The following FSTL4 variants were observed in gnomAD, a reference collection of about 807,000 sequenced individuals.
FSTL4 encodes follistatin-related protein 4.
Under a neutral mutation model 78.2 loss-of-function variants are expected in FSTL4, and 28 were observed. That is an observed-to-expected ratio of 0.36 (90% CI 0.27 to 0.49). The LOEUF is 0.49. FSTL4 is among the 20% of genes least tolerant of loss of function. FSTL4 has a pLI of 0.98. For missense variants in FSTL4, 922 were observed against 1,084.9 expected, an observed-to-expected ratio of 0.85 and a Z score of 2.11; for synonymous variants, 422 against 440.5, an observed-to-expected ratio of 0.96 and a Z score of 0.53.
At chr5:133,352,705 T>C (rs968368470) in intron 4 of FSTL4, among the ~76,000 whole-genome samples, 4 of 152,234 alleles carry the variant, frequency 2.6e-5, no homozygotes, top group Non-Finnish European at 4.4e-5. Flanking sequence ...ATGTGATATT[T>C]GGTTTTCTAT....
chr5:133,204,684 T>C (rs920199967), intron 14 of FSTL4, among the ~76,000 whole-genome samples: 16 of 151,874 alleles, frequency 1.1e-4, no homozygotes, highest in Admixed American at 9.8e-4. Flanking sequence ...ATACAAAAAT[T>C]AGCTGGGTGT....
At chr5:133,485,644 G>A (rs1032302404) in intron 3 of FSTL4, among the ~76,000 whole-genome samples, 4 of 152,254 alleles carry the variant, frequency 2.6e-5, no homozygotes, top group Non-Finnish European at 4.4e-5. Flanking sequence ...AACAAGCTGC[G>A]GTCCTAAGTG....
chr5:133,223,046 G>T (rs78322643), intron 11 of FSTL4, among the ~76,000 whole-genome samples: 6,769 of 152,290 alleles, frequency 0.044, 472 homozygotes, highest in African/African-American at 0.15. Flanking sequence ...CACATTCCAT[G>T]GGGCCTCTTG....
At chr5:133,677,007 A>G in the FSTL4 span, among the ~76,000 whole-genome samples, 1 of 152,202 alleles carries the variant, frequency 6.6e-6, no homozygotes, top group Non-Finnish European at 1.5e-5. Flanking sequence ...TCTTTTAAGA[A>G]CCCTTCCCCG....
chr5:133,336,579 T>C (rs775883293), intron 4 of FSTL4, among the ~76,000 whole-genome samples: 1 of 152,188 alleles, frequency 6.6e-6, no homozygotes, highest in African/African-American at 2.4e-5. Context: ...CCTGCCCCCA[T>C]TGACCCAGGG....
intron 2 of FSTL4, among the ~76,000 whole-genome samples, chr5:133,590,997 A>G (rs1335913186): frequency 6.6e-6 from 1 of 152,216 alleles, no homozygotes; most frequent in Non-Finnish European, 1.5e-5. Flanking sequence ...ATTAGGCACC[A>G]TCACCCAACT....
chr5:133,703,858 G>A, the FSTL4 span, among the ~76,000 whole-genome samples: 1 of 152,206 alleles, frequency 6.6e-6, no homozygotes. Flanking sequence ...CCGAGCAAGG[G>A]ATGCTGCTCC....
At chr5:133,694,121 T>A in the FSTL4 span, among the ~76,000 whole-genome samples, 1 of 152,202 alleles carries the variant, frequency 6.6e-6, no homozygotes, top group Non-Finnish European at 1.5e-5. Context: ...AATTCCAGAC[T>A]GAAATATTCC....
chr5:133,509,282 G>A (rs1561450628), intron 3 of FSTL4, among the ~76,000 whole-genome samples: 1 of 151,996 alleles, frequency 6.6e-6, no homozygotes, highest in Non-Finnish European at 1.5e-5. Flanking sequence ...CATCTCCTCT[G>A]GGCTCTGGAT....
At chr5:133,732,528 C>T in the FSTL4 span, among the ~76,000 whole-genome samples, 1 of 152,110 alleles carries the variant, frequency 6.6e-6, no homozygotes, top group Non-Finnish European at 1.5e-5. Flanking sequence ...AAAGCCCATC[C>T]GTCAGCAGGT....
intron 4 of FSTL4, among the ~76,000 whole-genome samples, chr5:133,330,532 G>A (rs975047160): frequency 7.9e-5 from 12 of 152,146 alleles, no homozygotes; most frequent in Non-Finnish European, 4.4e-5. Context: ...AGCCATTCAT[G>A]AGAATCCCAC....
chr5:133,744,259 G>A, the FSTL4 span, among the ~76,000 whole-genome samples: 43 of 152,272 alleles, frequency 2.8e-4, no homozygotes, highest in Non-Finnish European at 4.9e-4. Flanking sequence ...TGTAAGCACC[G>A]TTGAAACTAC....
chr5:133,341,153 A>C (rs1245617313), intron 4 of FSTL4, among the ~76,000 whole-genome samples: 2 of 152,036 alleles, frequency 1.3e-5, no homozygotes, highest in African/African-American at 2.4e-5. Context: ...CCTCCCTTCG[A>C]AACTAAGAGC....
chr5:133,370,003 C>T (rs1242899566), intron 4 of FSTL4, among the ~76,000 whole-genome samples: 2 of 151,930 alleles, frequency 1.3e-5, no homozygotes, highest in Admixed American at 6.5e-5. Context: ...AGCAGGGCTG[C>T]CCTCCACCCA....
At chr5:133,269,462 A>C (rs1752719865) in intron 6 of FSTL4, among the ~76,000 whole-genome samples, 1 of 152,218 alleles carries the variant, frequency 6.6e-6, no homozygotes, top group Non-Finnish European at 1.5e-5. Flanking sequence ...GTAGTGTACA[A>C]TTAGCATGTA....
intron 6 of FSTL4, among the ~76,000 whole-genome samples, chr5:133,272,536 T>C (rs981992708): frequency 4.6e-5 from 7 of 152,252 alleles, no homozygotes; most frequent in Middle Eastern, 3.2e-3. Flanking sequence ...TCATTTAATT[T>C]CGCAAGAGTT....
chr5:133,301,180 G>A (rs1753530234), intron 6 of FSTL4, among the ~76,000 whole-genome samples: 1 of 152,148 alleles, frequency 6.6e-6, no homozygotes, highest in African/African-American at 2.4e-5. Flanking sequence ...ACACATCATG[G>A]GGGAAGACAC....
chr5:133,701,509 A>ACACACACACACACC, the FSTL4 span, among the ~76,000 whole-genome samples: 2,525 of 132,502 alleles, frequency 0.019, 48 homozygotes, highest in Admixed American at 0.032. Context: ...ACACACACAC[A>ACACACACACACACC]CCCCACAGGC....
At chr5:133,325,014 C>T (rs1053085625) in intron 4 of FSTL4, among the ~76,000 whole-genome samples, 17 of 152,208 alleles carry the variant, frequency 1.1e-4, no homozygotes, top group African/African-American at 4.1e-4. Context: ...GCAAGGTGGT[C>T]TCTGGACACT....
Sources: gnomAD v4.1 joint callset for allele counts (sites outside exome capture counted in the v4.1 genomes callset) on GRCh38, gnomAD v4.1.1 for gene constraint, MANE v1.5 for transcripts, NCBI Gene and HGNC (gene_info 2026-07-23, HGNC 2026-07-21) for gene names.